DAB1: variants seen among roughly 807,000 people sequenced by gnomAD.
DAB1 encodes DAB adaptor protein 1.
DAB1 carries 15 observed loss-of-function variants against 64.6 expected under a neutral mutation model. The ratio of observed to expected loss-of-function variants is 0.23; its 90% CI spans 0.16 to 0.36. The LOEUF (loss-of-function observed/expected upper bound fraction) is 0.36. Ranked by LOEUF, DAB1 falls within the 10% of genes least tolerant of loss-of-function variation. DAB1 has a pLI of 1.00. For missense variants in DAB1, 596 were observed against 706.7 expected (o/e 0.84, Z 1.78); for synonymous variants, 235 against 251.9 (o/e 0.93, Z 0.64).
intron 5 of DAB1, among the ~76,000 whole-genome samples, chr1:57,910,297 T>C (rs1644622319): frequency 6.6e-6 from 1 of 152,116 alleles, no homozygotes; most frequent in African/African-American, 2.4e-5. Context: ...TTGAACATCT[T>C]TACTGCTGAG....
intron 5 of DAB1, among the ~76,000 whole-genome samples, chr1:57,991,681 G>C (rs184600170): frequency 1.1e-3 from 165 of 151,660 alleles, no homozygotes; most frequent in East Asian, 4.3e-3. Context: ...CCCCATCTCC[G>C]CTAAAAATAC....
intron 9 of DAB1, among the ~76,000 whole-genome samples, chr1:57,058,897 C>T (rs1170848789): frequency 6.6e-6 from 1 of 152,218 alleles, no homozygotes; most frequent in East Asian, 1.9e-4. Context: ...TGATCTCTGC[C>T]AAGGTTTTTG....
intron 3 of DAB1, among the ~76,000 whole-genome samples, chr1:58,423,932 C>T (rs1644796747): frequency 6.6e-6 from 1 of 152,150 alleles, no homozygotes; most frequent in South Asian, 2.1e-4. Context: ...TAATAAATAC[C>T]AGCCCCAAGG....
In DAB1 at chr1:57,935,813, C is replaced by G. The variant is rs191158467; in HGVS notation, n.388-51651G>C. 3.7e-3 allele frequency among the ~76,000 whole-genome samples: 562 copies of G among 152,268 alleles called. 1 individual carries two copies. The highest frequency in any genetic ancestry group is 5.7e-3 in the Non-Finnish European group (388 of 68,018). On this transcript the variant is annotated intron_variant and non_coding_transcript_variant, in intron 5 of 20. Transcript: ENST00000485760. ...CAGATTCTTCCTGGAAGCTCCCTGA[C>G]GGATCAGGCTGTCTATGGCTGCAGA...
At chr1:57,919,619 G>T (rs1017645482) in intron 5 of DAB1, among the ~76,000 whole-genome samples, 5 of 152,142 alleles carry the variant, frequency 3.3e-5, no homozygotes, top group East Asian at 1.9e-4. Context: ...AAGGGACAAA[G>T]AATCTTTTTG....
At chr1:57,222,971 C>A (rs904312863) in intron 2 of DAB1, among the ~76,000 whole-genome samples, 4 of 152,166 alleles carry the variant, frequency 2.6e-5, no homozygotes, top group African/African-American at 9.7e-5. Context: ...ACATCACACG[C>A]CTCCTGGGTC....
At position 58,255,962 on chromosome 1, in the gene DAB1, A is replaced by G. The variant is rs61298841; in HGVS notation, n.309+87390T>C. 7.0e-3 allele frequency among the ~76,000 whole-genome samples: 1,069 copies of G among 152,324 alleles called. 13 individuals carry two copies. Among genetic ancestry groups the G allele is most frequent in the African/African-American group, 0.024 (1,000 of 41,566 alleles). The stretch of plus-strand genomic sequence containing the variant: ...CTAAGCTCCCCTGTTCCAAGGTATC[A>G]AAGTCAGGATTTGATTCTGACACTT... On this transcript the variant is annotated intron_variant and non_coding_transcript_variant, in intron 4 of 20. Transcript: ENST00000485760.
intron 4 of DAB1, among the ~76,000 whole-genome samples, chr1:58,156,887 T>C (rs1655257109): frequency 6.6e-6 from 1 of 152,316 alleles, no homozygotes; most frequent in South Asian, 2.1e-4. Context: ...ATTTCAACTT[T>C]ATAATGGTAC....
intron 1 of DAB1, among the ~76,000 whole-genome samples, chr1:57,418,764 T>C (rs766544559): frequency 5.3e-5 from 8 of 152,134 alleles, no homozygotes; most frequent in Non-Finnish European, 1.0e-4. Flanking sequence ...AAAATAATAA[T>C]AATAAAAGCA....
intron 5 of DAB1, among the ~76,000 whole-genome samples, chr1:57,987,278 C>G (rs984346698): frequency 5.3e-5 from 8 of 152,152 alleles, no homozygotes; most frequent in African/African-American, 1.9e-4. Flanking sequence ...GCCACATAGA[C>G]ACATCCGGGT....
At chr1:58,463,540 T>C (rs894616681) in intron 3 of DAB1, among the ~76,000 whole-genome samples, 1 of 152,246 alleles carries the variant, frequency 6.6e-6, no homozygotes, top group Non-Finnish European at 1.5e-5. Flanking sequence ...TTGCATACAC[T>C]GGTATCCACA....
intron 7 of DAB1, among the ~76,000 whole-genome samples, chr1:57,479,956 A>G (rs1643993001): frequency 6.6e-6 from 1 of 152,010 alleles, no homozygotes; most frequent in African/African-American, 2.4e-5. Flanking sequence ...GATCGAGACC[A>G]TCCTGGCTAA....
At chr1:57,064,582 A>G (rs1650721905) in intron 8 of DAB1, among the ~76,000 whole-genome samples, 1 of 152,148 alleles carries the variant, frequency 6.6e-6, no homozygotes, top group Admixed American at 6.5e-5. Context: ...CCTTGGACAG[A>G]GTAGTTTGTG....
intron 5 of DAB1, among the ~76,000 whole-genome samples, chr1:58,017,695 A>G (rs1036792649): frequency 2.2e-4 from 33 of 152,286 alleles, no homozygotes; most frequent in African/African-American, 7.0e-4. Flanking sequence ...CCCTGGGGGT[A>G]GAAGACAATG....
At chr1:57,785,934 C>T (rs1000041710) in intron 6 of DAB1, among the ~76,000 whole-genome samples, 2 of 152,052 alleles carry the variant, frequency 1.3e-5, no homozygotes, top group Non-Finnish European at 2.9e-5. Flanking sequence ...TTTCACAAAA[C>T]GAAGAGTCAA....
chr1:57,531,677 G>A (rs1644665085), intron 7 of DAB1, among the ~76,000 whole-genome samples: 1 of 152,012 alleles, frequency 6.6e-6, no homozygotes, highest in South Asian at 2.1e-4. Context: ...GAGAGGGAGG[G>A]AGGGCAACTG....
chr1:58,159,861 A>G (rs540390976), intron 4 of DAB1, among the ~76,000 whole-genome samples: 10 of 152,330 alleles, frequency 6.6e-5, no homozygotes, highest in Admixed American at 2.0e-4. Context: ...GTCCATGAAC[A>G]CAGCTGGTGA....
chr1:57,568,617 G>T lies in DAB1; in HGVS notation n.625+80975C>A, dbSNP rs191644119. 5.8e-3 allele frequency among the ~76,000 whole-genome samples: 888 copies of T among 152,130 alleles called. 6 individuals carry two copies. Among genetic ancestry groups the T allele is most frequent in the Middle Eastern group, 0.014 (4 of 294 alleles). On this transcript the variant is annotated intron_variant and non_coding_transcript_variant, in intron 7 of 20. Coordinates refer to the DAB1 transcript ENST00000485760. ...CAACCTCATCAAAAACCGGGCAAAA[G>T]GTATGAACAGACATGTCTCAAAAGA...
At chr1:58,106,874 T>G (rs1651677079) in intron 5 of DAB1, among the ~76,000 whole-genome samples, 1 of 100,622 alleles carries the variant, frequency 9.9e-6, no homozygotes, top group Non-Finnish European at 1.8e-5. Flanking sequence ...TCCTTCCTCC[T>G]TCCCTTTCTC....
Sources: allele counts gnomAD v4.1 joint callset (sites outside exome capture counted in the v4.1 genomes callset), GRCh38; gene constraint gnomAD v4.1.1; transcripts MANE v1.5; gene names NCBI Gene and HGNC (gene_info 2026-07-23, HGNC 2026-07-21).